Variants in INVS observed in about 807,000 individuals in gnomAD.
INVS encodes the protein inversion of embryo turning homolog.
A neutral mutation model predicts 108.8 loss-of-function variants in INVS; 86 were observed. That is an observed-to-expected ratio of 0.79 (90% confidence interval 0.66 to 0.95). The LOEUF is 0.95. Ranked by LOEUF, INVS falls within the 40% of genes least tolerant of loss-of-function variation. The pLI, the probability that INVS is intolerant of heterozygous loss-of-function variation, is 0.00. For missense variants in INVS, 1,169 were observed against 1,297.4 expected (o/e 0.90, Z 1.52); for synonymous variants, 455 against 473.5 (o/e 0.96, Z 0.51).
chr9:100,138,906 A>G (rs917008295), intron 3 of INVS, among the ~76,000 whole-genome samples: 10 of 151,954 alleles, frequency 6.6e-5, no homozygotes, highest in African/African-American at 1.9e-4. Context: ...GGGTTTCACC[A>G]TGTTGGTCAG....
chr9:100,181,839 G>A (rs1021156739), intron 3 of INVS, among the ~76,000 whole-genome samples: 5 of 152,066 alleles, frequency 3.3e-5, no homozygotes, highest in African/African-American at 1.2e-4. Context: ...CAAAGCTGGA[G>A]ACATCATGCT....
chr9:100,301,544 G>T lies in INVS; in HGVS notation c.*870G>T, dbSNP rs10123913. Among the ~76,000 whole-genome samples the T allele has an allele frequency of 0.46, 69,828 of 151,996 alleles. 17,786 individuals are homozygous for T. The highest frequency in any genetic ancestry group is 0.89 in the East Asian group (4,618 of 5,178). On this transcript the variant is annotated 3_prime_UTR_variant, in exon 17 of 17. Transcript: ENST00000262457. The stretch of plus-strand genomic sequence containing the variant: ...TTAAAATGCCATTTCTGTTGGCAGG[G>T]AAGAATGAAACGGCACACATCCTAG...
At chr9:100,103,993 A>G (rs937358133) in intron 1 of INVS, among the ~76,000 whole-genome samples, 3 of 152,086 alleles carry the variant, frequency 2.0e-5, no homozygotes, top group Admixed American at 2.0e-4. Context: ...ATGTGGCATC[A>G]TATTACTTGT....
chr9:100,128,491 G>C (rs1012140097), intron 3 of INVS, among the ~76,000 whole-genome samples: 1 of 152,138 alleles, frequency 6.6e-6, no homozygotes, highest in Non-Finnish European at 1.5e-5. Context: ...TCTGGGTACT[G>C]TGTTAGTTCA....
At chr9:100,147,076 C>A (rs1564132320) in intron 3 of INVS, among the ~76,000 whole-genome samples, 1 of 152,216 alleles carries the variant, frequency 6.6e-6, no homozygotes, top group African/African-American at 2.4e-5. Flanking sequence ...TTATCATTCT[C>A]TTCTTTCCCC....
At chr9:100,116,085 ATTTCTTTTC>A (rs1827513437) in intron 2 of INVS, among the ~76,000 whole-genome samples, 1 of 145,268 alleles carries the variant, frequency 6.9e-6, no homozygotes. Flanking sequence ...TTGGCTTTTA[ATTTCTTTTC>A]TTTCTTTTTT....
intron 2 of INVS, chr9:100,117,371 A>C (rs2118863753): frequency 2.6e-6 from 2 of 757,476 alleles, no homozygotes; most frequent in Middle Eastern, 6.8e-4. Context: ...AGATTCATTA[A>C]TGGGCAGGGA....
intron 10 of INVS, among the ~76,000 whole-genome samples, chr9:100,259,160 C>G (rs571445329): frequency 1.1e-4 from 16 of 152,142 alleles, no homozygotes; most frequent in Admixed American, 5.2e-4. Flanking sequence ...CCTTGCAGTT[C>G]GATCTCAGAC....
At chr9:100,117,528 G>C in intron 2 of INVS, 1 of 1,015,068 alleles carries the variant, frequency 9.9e-7, no homozygotes, top group Admixed American at 1.8e-5. Flanking sequence ...CCGCAACCCC[G>C]GCCCCGGATG....
intron 2 of INVS, among the ~76,000 whole-genome samples, chr9:100,123,997 C>G (rs113428253): frequency 0.21 from 32,233 of 151,982 alleles, 4,080 homozygotes; most frequent in Non-Finnish European, 0.29. Context: ...TTAGTAGAGA[C>G]GGGTTTTTGC....
intron 3 of INVS, among the ~76,000 whole-genome samples, chr9:100,211,856 C>T (rs1830840173): frequency 6.6e-6 from 1 of 152,182 alleles, no homozygotes. Flanking sequence ...TTAGCCTTTG[C>T]TTACAGAATT....
intron 3 of INVS, among the ~76,000 whole-genome samples, chr9:100,144,276 G>T (rs998297110): frequency 6.6e-6 from 1 of 152,104 alleles, no homozygotes; most frequent in Non-Finnish European, 1.5e-5. Flanking sequence ...GCAAGGAATT[G>T]CAACTTTTTT....
At chr9:100,255,826 T>C (rs544670890) in intron 10 of INVS, among the ~76,000 whole-genome samples, 1 of 152,252 alleles carries the variant, frequency 6.6e-6, no homozygotes. Context: ...CAGTATTTTA[T>C]TGAAAATTTT....
At chr9:100,254,381 A>G (rs1832345304) in intron 10 of INVS, among the ~76,000 whole-genome samples, 1 of 152,042 alleles carries the variant, frequency 6.6e-6, no homozygotes, top group Non-Finnish European at 1.5e-5. Context: ...GTTCACTCTG[A>G]TGGTAGTTTC....
At chr9:100,193,663 A>G (rs1830290313) in intron 3 of INVS, among the ~76,000 whole-genome samples, 1 of 152,150 alleles carries the variant, frequency 6.6e-6, no homozygotes. Context: ...TTGCATTTTC[A>G]AGAATTTTAT....
intron 3 of INVS, among the ~76,000 whole-genome samples, chr9:100,193,156 T>G (rs949026314): frequency 1.3e-5 from 2 of 152,044 alleles, no homozygotes; most frequent in African/African-American, 2.4e-5. Context: ...TTTTAAAATT[T>G]TTTTGTAGAG....
rs772434528 is a variant in INVS at position 100,298,092 on chromosome 9, C to G, written c.3091+82C>G. 4 of 1,607,630 alleles carry G rather than the reference C, an allele frequency of 2.5e-6. No individual in the cohort carries two copies. The East Asian group carries it at 8.9e-5, about 36-fold the overall frequency. On this transcript the variant is annotated intron_variant, in intron 16 of 16. Transcript: ENST00000262457. ...TTGTTTCATCCCCAAAGACAGAAGACATTAGAACAGATATGGCCAGGGTTT... is the reference window on the plus strand; with the variant it reads ...TTGTTTCATCCCCAAAGACAGAAGAGATTAGAACAGATATGGCCAGGGTTT...
At chr9:100,268,109 CAAGTTTATTAAGA>C (rs1832847365) in intron 11 of INVS, among the ~76,000 whole-genome samples, 1 of 152,028 alleles carries the variant, frequency 6.6e-6, no homozygotes, top group Admixed American at 6.6e-5. Flanking sequence ...AAAGCAAAAG[CAAGTTTATTAAGA>C]AAGTAAAGTG....
At chr9:100,215,526 T>G (rs1448272409) in intron 3 of INVS, 2 of 152,196 alleles carry the variant, frequency 1.3e-5, no homozygotes, top group Admixed American at 1.3e-4. Flanking sequence ...TTGAGTTGAT[T>G]TTCAAGAAGG....
Sources: allele counts gnomAD v4.1 joint callset (sites outside exome capture counted in the v4.1 genomes callset), GRCh38; gene constraint gnomAD v4.1.1; transcripts MANE v1.5; gene names NCBI Gene and HGNC (gene_info 2026-07-23, HGNC 2026-07-21).